CFAP92: variants seen among roughly 807,000 people sequenced by gnomAD.
CFAP92 encodes the protein uncharacterized protein CFAP92.
Under a neutral mutation model 106.3 loss-of-function variants are expected in CFAP92, and 86 were observed. The ratio of observed to expected loss-of-function variants is 0.81; its 90% CI spans 0.68 to 0.97. CFAP92 has a LOEUF of 0.97. Among genes scored for constraint, CFAP92 ranks in the 50% least tolerant of loss-of-function variants. CFAP92 has a pLI of 0.00. For missense variants in CFAP92, 1,204 were observed against 1,283.8 expected (o/e 0.94, Z 0.95); for synonymous variants, 477 against 506.4 (o/e 0.94, Z 0.78).
At chr3:128,963,708 C>G (rs1047218392) in intron 9 of CFAP92, among the ~76,000 whole-genome samples, 8 of 150,198 alleles carry the variant, frequency 5.3e-5, no homozygotes, top group African/African-American at 1.2e-4. Context: ...CACACACCAG[C>G]AAAGGCAGGC....
At chr3:128,982,423 T>G (rs1393335923) in intron 4 of CFAP92, among the ~76,000 whole-genome samples, 1 of 152,236 alleles carries the variant, frequency 6.6e-6, no homozygotes, top group Non-Finnish European at 1.5e-5. Context: ...AGGCTTCAGT[T>G]AATATTGTGG....
At chr3:128,912,755 G>A (rs1267195636) in intron 15 of CFAP92, 2 of 799,358 alleles carry the variant, frequency 2.5e-6, no homozygotes, top group East Asian at 5.0e-5. Context: ...CGCCTGGCCT[G>A]GGAGAGCCTC....
upstream of CFAP92, among the ~76,000 whole-genome samples, chr3:129,006,889 T>C: frequency 6.6e-6 from 1 of 151,674 alleles, no homozygotes; most frequent in Admixed American, 6.6e-5. Context: ...AAGCTCTCAC[T>C]CTGAAAAGAA....
chr3:128,972,111 G>C (rs896529717), intron 7 of CFAP92, among the ~76,000 whole-genome samples: 1 of 152,158 alleles, frequency 6.6e-6, no homozygotes, highest in Admixed American at 6.5e-5. Flanking sequence ...TATCCATATG[G>C]GAGCAAATTA....
At chr3:128,976,420 A>G (rs1045031957) in intron 6 of CFAP92, among the ~76,000 whole-genome samples, 2 of 152,156 alleles carry the variant, frequency 1.3e-5, no homozygotes, top group African/African-American at 4.8e-5. Context: ...ATTAATCTAT[A>G]TATTCAATAC....
intron 9 of CFAP92, among the ~76,000 whole-genome samples, chr3:128,951,607 C>A (rs548878547): frequency 1.3e-5 from 2 of 152,244 alleles, no homozygotes; most frequent in Admixed American, 1.3e-4. Context: ...GGACTGAGTG[C>A]TGGAGAAGGC....
the CFAP92 span, among the ~76,000 whole-genome samples, chr3:129,009,118 T>TCAGTGG: frequency 6.6e-6 from 1 of 152,206 alleles, no homozygotes; most frequent in East Asian, 1.9e-4. Context: ...CCAAGGTGTT[T>TCAGTGG]CAGTGGCACT....
At chr3:128,925,754 C>A (rs571583266) in intron 12 of CFAP92, among the ~76,000 whole-genome samples, 1 of 152,154 alleles carries the variant, frequency 6.6e-6, no homozygotes, top group Non-Finnish European at 1.5e-5. Flanking sequence ...CTACAAACAT[C>A]ATCATAAAAC....
Position 128,945,609 on chromosome 3 carries a change from G to A in CFAP92, c.1720C>T (p.Leu574Phe). The A allele has an allele frequency of 6.5e-7, 1 of 1,536,158 alleles. No homozygotes were observed. The highest frequency in any genetic ancestry group is 1.2e-5 in the South Asian group (1 of 84,062). The stretch of plus-strand genomic sequence containing the variant: ...AGATTCAAGTACTTGTGGCCAAGGA[G>A]GAGGTCAGCAAAACTGACCTGGGCG... Reference protein sequence around the residue: ...GIAQVSFADLLLGHKYLNLAV... With the variant: ...GIAQVSFADLFLGHKYLNLAV... Residue 574 changes from leucine (L) to phenylalanine (F), a missense_variant, in exon 10 of 16, where the codon CTC becomes TTC. Leu to Phe is a conservative substitution (Grantham distance 22). Transcript: ENST00000645291.
intron 10 of CFAP92, among the ~76,000 whole-genome samples, chr3:128,944,516 T>TCCGATCTAC (rs1432118624): frequency 6.6e-6 from 1 of 152,014 alleles, no homozygotes; most frequent in Admixed American, 6.6e-5. Flanking sequence ...AGGACGGAGA[T>TCCGATCTAC]CCGATCTACC....
intron 6 of CFAP92, among the ~76,000 whole-genome samples, 191 bp downstream of exon 6, chr3:128,976,788 T>C (rs72977169): frequency 0.047 from 7,093 of 152,246 alleles, 474 homozygotes; most frequent in African/African-American, 0.14. Context: ...GATAAAATAA[T>C]GCATGCAGAA....
intron 12 of CFAP92, among the ~76,000 whole-genome samples, chr3:128,930,676 G>A (rs72973255): frequency 0.086 from 13,015 of 151,992 alleles, 1,525 homozygotes; most frequent in African/African-American, 0.27. Flanking sequence ...ACTTGAGCCT[G>A]GGAGGCAGAT....
At chr3:128,986,032 A>C (rs531968937) in intron 4 of CFAP92, among the ~76,000 whole-genome samples, 8 of 152,310 alleles carry the variant, frequency 5.3e-5, no homozygotes, top group African/African-American at 1.7e-4. Flanking sequence ...GCCAAGAGTA[A>C]GAAACCCTGG....
chr3:128,975,653 CTTACTT>C (rs1261955021), intron 7 of CFAP92, 120 bp downstream of exon 7: 17 of 849,618 alleles, frequency 2.0e-5, no homozygotes, highest in Non-Finnish European at 3.0e-5. Context: ...ATACAGTACT[CTTACTT>C]TTGAGAAACA....
At chr3:128,980,392 A>T (rs914113776) in intron 4 of CFAP92, among the ~76,000 whole-genome samples, 1 of 149,846 alleles carries the variant, frequency 6.7e-6, no homozygotes, top group Non-Finnish European at 1.5e-5. Flanking sequence ...AAAAAAGCTA[A>T]CACTCATCTG....
At chr3:128,944,836 C>T (rs1940045854) in intron 10 of CFAP92, among the ~76,000 whole-genome samples, 1 of 152,126 alleles carries the variant, frequency 6.6e-6, no homozygotes, top group Admixed American at 6.6e-5. Context: ...GAAGACAGGC[C>T]CCACTCTCCT....
rs189079395 is a variant in CFAP92 at position 128,938,781 on chromosome 3, C to T, written c.2259-3462G>A. Among the ~76,000 whole-genome samples, 19 of 152,002 alleles carry T rather than the reference C, an allele frequency of 1.2e-4. No homozygotes were observed. The East Asian group carries it at 3.3e-3, about 26-fold the overall frequency. On this transcript the variant is annotated intron_variant, in intron 10 of 15. Coordinates refer to ENST00000645291, the MANE Select transcript of CFAP92 (RefSeq NM_001394090.1). ...TGCTGGGATTACAGGAGTGAGCCAC[C>T]TTCACCATTCTTATATAAAACAGGA...
At chr3:128,954,564 T>G (rs1216345003) in intron 9 of CFAP92, among the ~76,000 whole-genome samples, 1 of 25,478 alleles carries the variant, frequency 3.9e-5, no homozygotes, top group Admixed American at 3.1e-4. Flanking sequence ...GGGAGGGAGG[T>G]GGGGGGTCAG....
intron 2 of CFAP92, among the ~76,000 whole-genome samples, chr3:128,989,420 G>A (rs1043270584): frequency 6.6e-6 from 1 of 152,134 alleles, no homozygotes; most frequent in Non-Finnish European, 1.5e-5. Flanking sequence ...CTCCCAGGGG[G>A]ACCTTAGCAG....
Sources: allele counts gnomAD v4.1 joint callset (sites outside exome capture counted in the v4.1 genomes callset), GRCh38; gene constraint gnomAD v4.1.1; transcripts MANE v1.5; gene names NCBI Gene and HGNC (gene_info 2026-07-23, HGNC 2026-07-21).